Variants in GOLGA3 observed in about 807,000 individuals in gnomAD.
The protein encoded by GOLGA3 is golgin subfamily A member 3.
Under a neutral mutation model 169.4 loss-of-function variants are expected in GOLGA3, and 75 were observed. That is an observed-to-expected ratio of 0.44 (90% CI 0.37 to 0.54). The LOEUF (loss-of-function observed/expected upper bound fraction) is 0.54. GOLGA3 is among the 20% of genes least tolerant of loss of function. The pLI, the probability that GOLGA3 is intolerant of heterozygous loss-of-function variation, is 0.00. For missense variants in GOLGA3, 1,899 were observed against 1,930.0 expected, an observed-to-expected ratio of 0.98 and a Z score of 0.30; for synonymous variants, 824 against 822.4, an observed-to-expected ratio of 1.00 and a Z score of -0.03.
Position 132,801,916 on chromosome 12 carries a change from G to C in GOLGA3, c.1651C>G (p.Gln551Glu). 1 of 1,601,954 alleles carries C rather than the reference G, an allele frequency of 6.2e-7. No individual in the cohort carries two copies. The change falls in exon 8 of 24, where the codon CAG (glutamine) becomes GAG (glutamate). Residue 551 changes from glutamine to glutamate, a missense_variant. Coordinates refer to ENST00000450791, the MANE Select transcript of GOLGA3 (RefSeq NM_001389683.1). ...CTGGTCAGCGTCGTCCGCTCCAGCT[G>C]CACCTGCTGAAGCTGGCTCTGCAAG... Reference protein sequence around the residue: ...TALQSQLQQVQLERTTLTSKL... With the variant: ...TALQSQLQQVELERTTLTSKL...
intron 2 of GOLGA3, among the ~76,000 whole-genome samples, chr12:132,820,710 G>T (rs541276087): frequency 6.6e-6 from 1 of 152,268 alleles, no homozygotes; most frequent in South Asian, 2.1e-4. Flanking sequence ...GAATAACCCA[G>T]GGGGCTAACA....
chr12:132,806,664 T>A (rs867347288), intron 6 of GOLGA3, among the ~76,000 whole-genome samples: 3 of 152,328 alleles, frequency 2.0e-5, no homozygotes, highest in African/African-American at 7.2e-5. Flanking sequence ...TGAACAGATT[T>A]ACTCAACTGC....
intron 7 of GOLGA3, among the ~76,000 whole-genome samples, chr12:132,802,519 G>A (rs1373011663): frequency 6.6e-6 from 1 of 152,214 alleles, no homozygotes; most frequent in Admixed American, 6.5e-5. Context: ...CAGCCACTTG[G>A]GAGGCTGAGG....
At chr12:132,819,018 T>C (rs762320419) in intron 2 of GOLGA3, among the ~76,000 whole-genome samples, 11 of 150,194 alleles carry the variant, frequency 7.3e-5, no homozygotes, top group Admixed American at 1.3e-4. Flanking sequence ...ATTTTCAGTC[T>C]TTTCCCTGCC....
At chr12:132,807,634 T>C (rs1183009728) in intron 5 of GOLGA3, among the ~76,000 whole-genome samples, 1 of 152,184 alleles carries the variant, frequency 6.6e-6, no homozygotes, top group Non-Finnish European at 1.5e-5. Flanking sequence ...ATGAATTAAA[T>C]GTTCATGTCA....
chr12:132,813,612 G>T (rs1949819281), intron 3 of GOLGA3, among the ~76,000 whole-genome samples, 193 bp from the exon 4 acceptor site: 1 of 152,108 alleles, frequency 6.6e-6, no homozygotes, highest in Non-Finnish European at 1.5e-5. Flanking sequence ...CCACAGGCGG[G>T]ATCTACCTCA....
chr12:132,816,793 T>C lies in GOLGA3; in HGVS notation c.153A>G (p.Ala51=), dbSNP rs764215382. Residue 51 remains alanine, a synonymous_variant, in exon 3 of 24, where the codon GCA becomes GCG. Transcript: ENST00000450791. ...CATCCGGGCTTTCCCCTTCCGTGGA[T>C]GCTCTGTTTACCTCGGCACCTGGAA... is the stretch of plus-strand genomic sequence containing the variant. The part of the protein sequence containing the change: ...DKVQCAEVNR[A]STEGESPDGP... The C allele has an allele frequency of 8.7e-6, 14 of 1,602,508 alleles. No homozygotes were observed. Among genetic ancestry groups the C allele is most frequent in the Middle Eastern group, 1.7e-4 (1 of 6,012 alleles).
chr12:132,820,957 G>A (rs890890286), intron 2 of GOLGA3, among the ~76,000 whole-genome samples: 1 of 151,770 alleles, frequency 6.6e-6, no homozygotes, highest in African/African-American at 2.4e-5. Context: ...AAAAATAGCT[G>A]GGTGTGGTGG....
intron 3 of GOLGA3, among the ~76,000 whole-genome samples, chr12:132,816,188 ACT>A (rs567974966): frequency 1.3e-5 from 2 of 151,928 alleles, no homozygotes; most frequent in African/African-American, 2.4e-5. Context: ...AAAGAGCGAG[ACT>A]CTGTCTCAGA....
intron 10 of GOLGA3, 31 bp from the exon 11 acceptor site, chr12:132,796,251 G>A (rs756848915): frequency 3.8e-6 from 6 of 1,558,470 alleles, no homozygotes; most frequent in East Asian, 2.3e-5. Context: ...ACATGGCTGC[G>A]CCTGACCCTC....
At chr12:132,811,422 T>C (rs1216869812) in intron 4 of GOLGA3, among the ~76,000 whole-genome samples, 6 of 152,178 alleles carry the variant, frequency 3.9e-5, no homozygotes, top group Admixed American at 2.0e-4. Context: ...ATAAATGTTA[T>C]ACTTCCCACT....
At chr12:132,809,719 AT>A (rs201047437) in intron 4 of GOLGA3, among the ~76,000 whole-genome samples, 1,920 of 152,304 alleles carry the variant, frequency 0.013, 46 homozygotes, top group African/African-American at 0.042. Flanking sequence ...TTATCATAAT[AT>A]TGGAATAAAA....
intron 10 of GOLGA3, 73 bp from the exon 11 acceptor site, chr12:132,796,293 G>T: frequency 6.7e-7 from 1 of 1,492,432 alleles, no homozygotes; most frequent in Admixed American, 2.2e-5. Context: ...TCCTGTTCGG[G>T]TTTCAAGTAA....
chr12:132,809,012 T>C (rs1190123258), intron 4 of GOLGA3, among the ~76,000 whole-genome samples: 1 of 152,166 alleles, frequency 6.6e-6, no homozygotes, highest in Non-Finnish European at 1.5e-5. Context: ...AATGTCGGGC[T>C]GCGCTGTTAT....
Position 132,777,912 on chromosome 12 carries a change from C to T in GOLGA3, c.3583-107G>A, listed in dbSNP as rs761175489. The T allele has an allele frequency of 2.4e-6, 3 of 1,258,642 alleles. No individual in the cohort carries two copies. The highest frequency in any genetic ancestry group is 3.3e-6 in the Non-Finnish European group (3 of 916,052). The allele number at this position is 1,258,642 out of a possible 1,614,324, so 78.0% of individuals were successfully genotyped here. ...ACTCCCGGCCCCGTGCATGTCCTGG[C>T]TGCCGGCGTGTGCTTCTCCACAGGC... On this transcript the variant is annotated intron_variant, in intron 18 of 23. Transcript: ENST00000450791. The surrounding 1 kb of genome is among the most constrained non-coding windows in gnomAD (Gnocchi z 4.7).
chr12:132,809,472 T>C (rs1949594259), intron 4 of GOLGA3, among the ~76,000 whole-genome samples: 2 of 122,130 alleles, frequency 1.6e-5, no homozygotes, highest in Non-Finnish European at 3.2e-5. Context: ...TGCTAAGTAG[T>C]GGGTGTTGTT....
chr12:132,775,369 G>C, intron 21 of GOLGA3, 64 bp from the exon 22 acceptor site: 2 of 1,438,210 alleles, frequency 1.4e-6, no homozygotes, highest in Non-Finnish European at 1.9e-6. Flanking sequence ...CAAGATCCGA[G>C]TTTGTATTTT....
chr12:132,797,023 CG>C (rs1026374872), intron 9 of GOLGA3, among the ~76,000 whole-genome samples: 20 of 152,246 alleles, frequency 1.3e-4, no homozygotes, highest in African/African-American at 4.3e-4. Flanking sequence ...CTCACAAGAG[CG>C]GTGCTTGGTG....
At chr12:132,817,245 CCCCCCCT>C in intron 2 of GOLGA3, among the ~76,000 whole-genome samples, 1 of 29,292 alleles carries the variant, frequency 3.4e-5, no homozygotes, top group South Asian at 1.2e-3. Context: ...CTAAGGTGAA[CCCCCCCT>C]CCACACCTCC....
Sources: allele counts gnomAD v4.1 joint callset (sites outside exome capture counted in the v4.1 genomes callset), GRCh38; gene constraint gnomAD v4.1.1; non-coding constraint Gnocchi (gnomAD v3.1); transcripts MANE v1.5; gene names NCBI Gene and HGNC (gene_info 2026-07-23, HGNC 2026-07-21).